Variants in GRID2 observed in about 807,000 individuals in gnomAD.
The protein encoded by GRID2 is glutamate ionotropic receptor delta type subunit 2.
GRID2 carries 33 observed loss-of-function variants against 114.8 expected under a neutral mutation model. The ratio of observed to expected loss-of-function variants is 0.29; its 90% CI spans 0.22 to 0.38. The LOEUF (loss-of-function observed/expected upper bound fraction) is 0.38. Among genes scored for constraint, GRID2 ranks in the 10% least tolerant of loss-of-function variants. The pLI is 1.00. For synonymous variants in GRID2, 505 were observed against 449.9 expected (o/e 1.12, Z -1.55); for missense variants, 1,184 against 1,257.7 (o/e 0.94, Z 0.89).
At chr4:93,526,634 A>AC (rs1308117184) in intron 13 of GRID2, among the ~76,000 whole-genome samples, 2 of 152,088 alleles carry the variant, frequency 1.3e-5, no homozygotes, top group African/African-American at 4.8e-5. Flanking sequence ...ATATGGGGAA[A>AC]CCCCGTCTCT....
At chr4:92,577,591 A>G (rs1200566919) in intron 1 of GRID2, among the ~76,000 whole-genome samples, 1 of 152,190 alleles carries the variant, frequency 6.6e-6, no homozygotes, top group Non-Finnish European at 1.5e-5. Flanking sequence ...ACTGTTTGGC[A>G]TTGTTTTTGA....
intron 4 of GRID2, among the ~76,000 whole-genome samples, chr4:93,194,807 A>C (rs1471359999): frequency 6.6e-6 from 1 of 152,234 alleles, no homozygotes; most frequent in East Asian, 1.9e-4. Context: ...AGAACTCGTT[A>C]GAAATTAAAA....
rs569260013 is a variant in GRID2 at position 93,706,062 on chromosome 4, G to A, written c.2361-63148G>A. ...ATGTGTCTGTTTTTATGCCAGTACCGTGTTGTTTTGATCACTATAGCTCTG... is the reference window on the plus strand; with the variant it reads ...ATGTGTCTGTTTTTATGCCAGTACCATGTTGTTTTGATCACTATAGCTCTG... On this transcript the variant is annotated intron_variant, in intron 14 of 15. Coordinates refer to ENST00000282020, the MANE Select transcript of GRID2 (RefSeq NM_001510.4). Among the ~76,000 whole-genome samples the A allele has an allele frequency of 8.0e-4, 121 of 152,100 alleles. 1 individual carries two copies. The Middle Eastern group carries it at 0.01, about 13-fold the overall frequency.
At chr4:93,794,604 C>A (rs893085734) in intron 1 of GRID2, among the ~76,000 whole-genome samples, 1 of 152,162 alleles carries the variant, frequency 6.6e-6, no homozygotes, top group Non-Finnish European at 1.5e-5. Flanking sequence ...CTCGGCGAGC[C>A]TTTCTCAAAT....
rs147827637 is a variant in GRID2 at position 93,797,801 on chromosome 4, A to C, written c.222-8914A>C. 3.6e-3 allele frequency among the ~76,000 whole-genome samples: 543 copies of C among 150,906 alleles called. 2 individuals are homozygous for C. The highest frequency in any genetic ancestry group is 0.013 in the African/African-American group (521 of 41,028). ...CAGACATACCAGAGACTTATTCGAA[A>C]GATATTAAGAGAGAAGAAGGAGAAA... On this transcript the variant is annotated intron_variant, in intron 1 of 1. Coordinates refer to the GRID2 transcript ENST00000637838.
At chr4:93,462,137 G>A (rs1157710894) in intron 11 of GRID2, among the ~76,000 whole-genome samples, 1 of 152,040 alleles carries the variant, frequency 6.6e-6, no homozygotes, top group East Asian at 1.9e-4. Flanking sequence ...AGGAACATGA[G>A]TAGCAAAAGG....
chr4:92,690,163 T>C (rs942159962), intron 2 of GRID2, among the ~76,000 whole-genome samples: 1 of 151,996 alleles, frequency 6.6e-6, no homozygotes, highest in African/African-American at 2.4e-5. Flanking sequence ...TGACTTCCTT[T>C]CTAAGCTCAA....
At position 93,186,836 on chromosome 4, in the gene GRID2, T is replaced by C. The variant is rs562210379; in HGVS notation, c.736-20568T>C. On this transcript the variant is annotated intron_variant, in intron 4 of 15. Coordinates refer to ENST00000282020, the MANE Select transcript of GRID2 (RefSeq NM_001510.4). ...AGTATTATCATTTATATGACTGTCT[T>C]TGTTTGGGTTGCTATAATAAAAATA... is the stretch of plus-strand genomic sequence containing the variant. 6.6e-5 allele frequency among the ~76,000 whole-genome samples: 10 copies of C among 152,288 alleles called. No individual in the cohort carries two copies. The South Asian group carries it at 1.9e-3, about 28-fold the overall frequency.
intron 1 of GRID2, among the ~76,000 whole-genome samples, chr4:92,342,104 G>C (rs1300753706): frequency 6.6e-6 from 1 of 151,970 alleles, no homozygotes; most frequent in East Asian, 1.9e-4. Flanking sequence ...AATATTCCAA[G>C]TTGCTATGCT....
chr4:92,658,409 C>T (rs139142906), intron 2 of GRID2, among the ~76,000 whole-genome samples: 35 of 151,776 alleles, frequency 2.3e-4, no homozygotes, highest in African/African-American at 7.0e-4. Context: ...ACTGAGCAAA[C>T]AGTGAAGCAA....
chr4:93,512,268 T>G (rs763837407), intron 12 of GRID2, among the ~76,000 whole-genome samples: 1 of 152,224 alleles, frequency 6.6e-6, no homozygotes, highest in African/African-American at 2.4e-5. Flanking sequence ...GACCTTCAGA[T>G]ACAAGTTTTT....
At chr4:93,581,049 A>G (rs1443216808) in intron 13 of GRID2, among the ~76,000 whole-genome samples, 3 of 151,594 alleles carry the variant, frequency 2.0e-5, no homozygotes, top group Non-Finnish European at 4.4e-5. Flanking sequence ...GCACCCATCA[A>G]CCCATCATCT....
chr4:93,296,346 T>A (rs1173324988), intron 8 of GRID2, among the ~76,000 whole-genome samples: 1 of 126,588 alleles, frequency 7.9e-6, no homozygotes, highest in Non-Finnish European at 1.6e-5. Flanking sequence ...GTCAAGATCC[T>A]TAATTTAATC....
At chr4:93,761,603 T>G (rs1190437165) in intron 14 of GRID2, among the ~76,000 whole-genome samples, 5 of 152,150 alleles carry the variant, frequency 3.3e-5, no homozygotes, top group African/African-American at 1.2e-4. Flanking sequence ...TAGTTATGAA[T>G]TTATTTGAAA....
At chr4:93,103,163 ATTCCTCC>A (rs1488854613) in intron 3 of GRID2, among the ~76,000 whole-genome samples, 1 of 152,004 alleles carries the variant, frequency 6.6e-6, no homozygotes. Flanking sequence ...GGGGTGTAAA[ATTCCTCC>A]TTCCACCAGC....
intron 14 of GRID2, among the ~76,000 whole-genome samples, chr4:93,724,995 T>C (rs932628342): frequency 6.6e-6 from 1 of 152,092 alleles, no homozygotes; most frequent in African/African-American, 2.4e-5. Flanking sequence ...AATTTTATTA[T>C]TATTATACTT....
chr4:93,006,015 C>T (rs983106979), intron 2 of GRID2, among the ~76,000 whole-genome samples: 4 of 151,916 alleles, frequency 2.6e-5, no homozygotes, highest in African/African-American at 9.7e-5. Context: ...TGGATTTCTC[C>T]TAAATCAAAT....
At chr4:92,978,558 C>G (rs1459735835) in intron 2 of GRID2, among the ~76,000 whole-genome samples, 1 of 152,088 alleles carries the variant, frequency 6.6e-6, no homozygotes, top group African/African-American at 2.4e-5. Flanking sequence ...ATGGTCTGAT[C>G]TAGGTCTCAG....
intron 2 of GRID2, among the ~76,000 whole-genome samples, chr4:92,916,933 G>C (rs191397755): frequency 6.6e-6 from 1 of 152,122 alleles, no homozygotes. Context: ...CTGAAGAATC[G>C]CCACACTGAC....
Sources: allele counts gnomAD v4.1 joint callset (sites outside exome capture counted in the v4.1 genomes callset), GRCh38; gene constraint gnomAD v4.1.1; transcripts MANE v1.5; gene names NCBI Gene and HGNC (gene_info 2026-07-23, HGNC 2026-07-21).